The following URI1 variants were observed in gnomAD, a reference collection of about 807,000 sequenced individuals.
URI1 encodes the protein unconventional prefoldin RPB5 interactor 1.
In URI1, 39 loss-of-function variants were observed where a neutral mutation model predicts 60.2. The observed-to-expected ratio is 0.65, with a 90% confidence interval of 0.50 to 0.85. URI1 has a LOEUF of 0.85. Ranked by LOEUF, URI1 falls within the 40% of genes least tolerant of loss-of-function variation. The pLI is 0.00. For missense variants in URI1, 691 were observed against 665.9 expected (o/e 1.04, Z -0.42); for synonymous variants, 251 against 236.8 (o/e 1.06, Z -0.55).
intron 1 of URI1, chr19:29,956,452 T>C (rs1243710906): frequency 3.1e-6 from 5 of 1,587,960 alleles, no homozygotes; most frequent in Admixed American, 1.7e-5. Flanking sequence ...TTCAGAGACA[T>C]AGATACCATC....
intron 6 of URI1, 59 bp from the exon 7 acceptor site, chr19:30,007,411 G>T: frequency 1.3e-6 from 2 of 1,569,250 alleles, no homozygotes; most frequent in South Asian, 1.2e-5. Context: ...ATTAAGTCTG[G>T]GTTTGTGCCT....
chr19:29,990,469 A>C (rs2055732839), intron 4 of URI1, among the ~76,000 whole-genome samples: 1 of 152,382 alleles, frequency 6.6e-6, no homozygotes, highest in Non-Finnish European at 1.5e-5. Context: ...AGCACTGCTT[A>C]TAGTAGCCGA....
intron 1 of URI1, among the ~76,000 whole-genome samples, chr19:29,970,608 G>T (rs1051311995): frequency 2.6e-5 from 4 of 151,944 alleles, no homozygotes; most frequent in African/African-American, 4.8e-5. Context: ...TTACAGTCTT[G>T]ATCATAATTC....
At chr19:29,937,799 A>G (rs1179993950), upstream of URI1, 1 of 152,112 alleles carries the variant, frequency 6.6e-6, no homozygotes, top group Non-Finnish European at 1.5e-5. Context: ...AAAATGCCCC[A>G]ATTTTTGGAG....
intron 1 of URI1, among the ~76,000 whole-genome samples, chr19:29,936,736 A>G (rs74900365): frequency 0.051 from 7,719 of 152,122 alleles, 376 homozygotes; most frequent in East Asian, 0.22. Context: ...ACATGGATCT[A>G]TCAGGCTCTG....
intron 2 of URI1, among the ~76,000 whole-genome samples, chr19:29,979,966 A>C (rs929958594): frequency 6.6e-6 from 1 of 152,198 alleles, no homozygotes; most frequent in Admixed American, 6.5e-5. Flanking sequence ...ACCAAATTGC[A>C]TAAAGCATAA....
At chr19:29,966,024 A>C (rs2055387358) in intron 1 of URI1, among the ~76,000 whole-genome samples, 1 of 152,252 alleles carries the variant, frequency 6.6e-6, no homozygotes, top group Non-Finnish European at 1.5e-5. Flanking sequence ...AAGTGTTTTC[A>C]GAAGTGGCTC....
chr19:29,981,586 A>G (rs1053613224), intron 2 of URI1, among the ~76,000 whole-genome samples: 14 of 152,130 alleles, frequency 9.2e-5, no homozygotes, highest in Admixed American at 2.6e-4. Flanking sequence ...TACATGCCTT[A>G]TACCTATGCT....
At chr19:29,996,479 T>G (rs993090208) in intron 4 of URI1, among the ~76,000 whole-genome samples, 9 of 150,426 alleles carry the variant, frequency 6.0e-5, no homozygotes, top group African/African-American at 2.2e-4. Flanking sequence ...CAAGGGTGTT[T>G]TGTGTGTGTG....
rs559685920 is a variant in URI1, at chr19:29,948,550, C to CT, written c.117+5894dup. 8.6e-3 allele frequency among the ~76,000 whole-genome samples: 1,310 copies of CT among 151,948 alleles called. 26 individuals carry two copies. The highest frequency in any genetic ancestry group is 0.029 in the African/African-American group (1,187 of 41,384). The stretch of plus-strand genomic sequence containing the variant: ...ACTTCAATAAGTAATGTTGAAGTTA[C>CT]TTTTTTTTGCCTTCAAGCATCTGTT... On this transcript the variant is annotated intron_variant, in intron 1 of 10. Coordinates refer to ENST00000392271, the MANE Select transcript of URI1 (RefSeq NM_003796.3).
At chr19:29,949,209 C>T (rs1191903469) in intron 1 of URI1, among the ~76,000 whole-genome samples, 1 of 147,592 alleles carries the variant, frequency 6.8e-6, no homozygotes, top group Non-Finnish European at 1.5e-5. Context: ...GGCTGCCGGG[C>T]GGAGGGGCTC....
chr19:29,980,779 G>A (rs1411992920), intron 2 of URI1, among the ~76,000 whole-genome samples: 7 of 151,252 alleles, frequency 4.6e-5, no homozygotes, highest in Admixed American at 4.0e-4. Context: ...AAAATTAGCC[G>A]GGTGCGGTGG....
chr19:29,951,344 G>T (rs1490313512), intron 1 of URI1, among the ~76,000 whole-genome samples: 1 of 152,108 alleles, frequency 6.6e-6, no homozygotes, highest in Non-Finnish European at 1.5e-5. Context: ...ATTGGTGTTT[G>T]CTAATTAGTG....
At chr19:30,007,900 C>T (rs1265235010) in intron 7 of URI1, among the ~76,000 whole-genome samples, 1 of 151,724 alleles carries the variant, frequency 6.6e-6, no homozygotes, top group Admixed American at 6.6e-5. Flanking sequence ...TTTATTATGG[C>T]CTATTTTATA....
intron 2 of URI1, among the ~76,000 whole-genome samples, chr19:29,973,977 G>A (rs1056862209): frequency 2.0e-5 from 3 of 152,112 alleles, no homozygotes; most frequent in Admixed American, 6.6e-5. Context: ...TAAAGTATGA[G>A]GATACTTCCC....
chr19:29,932,462 G>A (rs2054929518), intron 1 of URI1, among the ~76,000 whole-genome samples: 1 of 151,802 alleles, frequency 6.6e-6, no homozygotes. Context: ...GATTACAGGT[G>A]TCTGCCACCG....
chr19:29,999,347 G>T (rs1454781429), intron 4 of URI1, among the ~76,000 whole-genome samples: 1 of 152,052 alleles, frequency 6.6e-6, no homozygotes, highest in Non-Finnish European at 1.5e-5. Context: ...TTCTTGGATT[G>T]CAGGTCTAGT....
At chr19:29,927,566 T>G (rs2054880329) in intron 1 of URI1, among the ~76,000 whole-genome samples, 1 of 118,804 alleles carries the variant, frequency 8.4e-6, no homozygotes, top group African/African-American at 3.5e-5. Flanking sequence ...CCGGCTTTTT[T>G]TTTTTTTTTT....
At chr19:29,957,123 C>T (rs1042407523) in intron 1 of URI1, 2 of 430,878 alleles carry the variant, frequency 4.6e-6, no homozygotes, top group Non-Finnish European at 8.4e-6. Flanking sequence ...AAAAGAAATA[C>T]AATTTATGTT....
Sources: gnomAD v4.1 joint callset for allele counts (sites outside exome capture counted in the v4.1 genomes callset) on GRCh38, gnomAD v4.1.1 for gene constraint, MANE v1.5 for transcripts, NCBI Gene and HGNC (gene_info 2026-07-23, HGNC 2026-07-21) for gene names.